Variants in SERINC1 observed in about 807,000 individuals in gnomAD.
The protein encoded by SERINC1 is tumor differentially expressed protein 2.
Under a neutral mutation model 52.9 loss-of-function variants are expected in SERINC1, and 38 were observed. That is an observed-to-expected ratio of 0.72 (90% CI 0.55 to 0.94). SERINC1 has a LOEUF of 0.94. Among genes scored for constraint, SERINC1 ranks in the 40% least tolerant of loss-of-function variants. SERINC1 has a pLI of 0.00. For missense variants in SERINC1, 471 were observed against 533.9 expected (o/e 0.88, Z 1.16); for synonymous variants, 198 against 183.1 (o/e 1.08, Z -0.66).
intron 1 of SERINC1, among the ~76,000 whole-genome samples, chr6:122,464,463 TAAAC>T (rs1162595676): frequency 6.6e-6 from 1 of 152,080 alleles, no homozygotes; most frequent in Non-Finnish European, 1.5e-5. Context: ...ATTTCTAAGA[TAAAC>T]AAAAACTCTT....
chr6:122,464,330 G>A (rs537276292), intron 1 of SERINC1, among the ~76,000 whole-genome samples: 20 of 152,220 alleles, frequency 1.3e-4, no homozygotes, highest in African/African-American at 4.3e-4. Context: ...GATATTCACA[G>A]ATCTAATATA....
In SERINC1 at chr6:122,458,657, G is replaced by T; in HGVS notation, c.64C>A (p.Pro22Thr). 6.2e-7 allele frequency: 1 copy of T among 1,602,734 alleles called. No homozygotes were observed. The highest frequency in any genetic ancestry group is 8.5e-7 in the Non-Finnish European group (1 of 1,173,556). ...SWIPCLCGSA[P>T]CLLCRCCPSG... ...GGACAGCATCGGCATAGCAAACACG[G>T]GGCACTTCCACACAAACATGGTATC... The change falls in exon 2 of 10, where the codon CCG (proline) becomes ACG (threonine). Residue 22 changes from proline to threonine, a missense_variant. Physicochemically the swap from Pro to Thr is conservative, Grantham distance 38. Transcript: ENST00000339697.
Position 122,446,933 on chromosome 6 carries a change from T to C in SERINC1, c.1067A>G (p.Asp356Gly). Residue 356 changes from aspartate (D) to glycine (G), a missense_variant, in exon 9 of 10, where the codon GAT (aspartate) becomes GGT (glycine). Transcript: ENST00000339697. ...TGATCCATCACTTCTAGCTCCACCA[T>C]CTTCTATTAATGTAGATTCATCACT... Reference protein sequence around the residue: ...LTSDESTLIEDGGARSDGSLE... With the variant: ...LTSDESTLIEGGGARSDGSLE... 6.2e-7 allele frequency: 1 copy of C among 1,613,710 alleles called. No individual in the cohort carries two copies. Among genetic ancestry groups the C allele is most frequent in the Non-Finnish European group, 8.5e-7 (1 of 1,179,600 alleles).
intron 1 of SERINC1, among the ~76,000 whole-genome samples, chr6:122,468,319 C>T (rs1278941197): frequency 1.3e-5 from 2 of 152,124 alleles, no homozygotes; most frequent in African/African-American, 2.4e-5. Flanking sequence ...CTATCCTATA[C>T]ATTGTAGATT....
rs1211230624 is a variant in SERINC1 at position 122,444,876 on chromosome 6, TG to T, written c.*167del. On this transcript the variant is annotated 3_prime_UTR_variant, in exon 10 of 10. Transcript: ENST00000339697. Reference sequence around the variant, plus strand: ...CAATTCATTCTACTTCACATATCAATGCACTTGGTAAGAAAATAACAAAATG... The same window carrying T: ...CAATTCATTCTACTTCACATATCAATCACTTGGTAAGAAAATAACAAAATG... 3.2e-6 allele frequency: 2 copies of T among 633,498 alleles called. No individual in the cohort carries two copies. The highest frequency in any genetic ancestry group is 2.7e-6 in the Non-Finnish European group (1 of 375,862). The allele number at this position is 633,498 out of a possible 1,614,324, so 39.2% of individuals were successfully genotyped here.
chr6:122,457,308 T>G (rs561680438), intron 2 of SERINC1, among the ~76,000 whole-genome samples: 80 of 152,336 alleles, frequency 5.3e-4, no homozygotes, highest in Middle Eastern at 3.4e-3. Context: ...GTAAGAGATT[T>G]TGGCAGAGTT....
In SERINC1 at chr6:122,458,546, G is replaced by A. The variant is rs142600200; in HGVS notation, c.175C>T (p.Pro59Ser). The A allele has an allele frequency of 9.9e-6, 16 of 1,612,154 alleles. No individual in the cohort carries two copies. Among genetic ancestry groups the A allele is most frequent in the Non-Finnish European group, 1.4e-5 (16 of 1,178,930 alleles). The part of the protein sequence containing the change: ...GVCVACVMLI[P>S]GMEEQLNKIP... ...TTATTCAGTTGTTCTTCCATTCCTG[G>A]TATCAACATTACACAAGCTACACAT... is the stretch of plus-strand genomic sequence containing the variant. The change falls in exon 2 of 10, where the codon CCA becomes TCA. Residue 59 changes from proline (P) to serine (S), a missense_variant. Physicochemically the swap from Pro to Ser is moderately conservative, Grantham distance 74. Coordinates refer to ENST00000339697, the MANE Select transcript of SERINC1 (RefSeq NM_020755.4).
intron 7 of SERINC1, among the ~76,000 whole-genome samples, chr6:122,449,047 C>G (rs75754936): frequency 0.031 from 4,681 of 152,198 alleles, 104 homozygotes; most frequent in Middle Eastern, 0.048. Flanking sequence ...AAATCACACC[C>G]ATATAAGATG....
chr6:122,458,539 A>C lies in SERINC1; in HGVS notation c.182T>G (p.Met61Arg). The change falls in exon 2 of 10, where the codon ATG (methionine) becomes AGG (arginine). Residue 61 changes from methionine (M) to arginine (R), a missense_variant. Met to Arg is a moderately conservative substitution (Grantham distance 91). Coordinates refer to ENST00000339697, the MANE Select transcript of SERINC1 (RefSeq NM_020755.4). ...ACTAACCTTATTCAGTTGTTCTTCC[A>C]TTCCTGGTATCAACATTACACAAGC... ...CVACVMLIPG[M>R]EEQLNKIPGF... The C allele has an allele frequency of 6.2e-7, 1 of 1,612,862 alleles. No homozygotes were observed. Among genetic ancestry groups the C allele is most frequent in the Non-Finnish European group, 8.5e-7 (1 of 1,179,138 alleles).
intron 7 of SERINC1, among the ~76,000 whole-genome samples, chr6:122,449,107 G>A (rs1774860756): frequency 6.6e-6 from 1 of 152,056 alleles, no homozygotes; most frequent in South Asian, 2.1e-4. Flanking sequence ...CCACCAACCA[G>A]CCATTTCCTT....
Position 122,447,207 on chromosome 6 carries a change from G to A in SERINC1, c.909C>T (p.Val303=), listed in dbSNP as rs757331806. Residue 303 remains valine, a synonymous_variant, in exon 8 of 10, where the codon GTC becomes GTT. Coordinates refer to ENST00000339697, the MANE Select transcript of SERINC1 (RefSeq NM_020755.4). ...SIIGYNTTST[V]PKEGQSVQWW... Reference sequence around the variant, plus strand: ...ACTGGACTGACTGCCCTTCCTTTGGGACAGTGCTTGTTGTATTGTAGCCAA... The same window carrying A: ...ACTGGACTGACTGCCCTTCCTTTGGAACAGTGCTTGTTGTATTGTAGCCAA... 1 of 1,612,830 alleles carries A rather than the reference G, an allele frequency of 6.2e-7. No individual in the cohort carries two copies. The highest frequency in any genetic ancestry group is 8.5e-7 in the Non-Finnish European group (1 of 1,178,854).
chr6:122,459,800 G>C (rs1775068293), intron 1 of SERINC1, among the ~76,000 whole-genome samples: 1 of 151,926 alleles, frequency 6.6e-6, no homozygotes, highest in Non-Finnish European at 1.5e-5. Flanking sequence ...GGAAATCAAA[G>C]GGCTAAAGAA....
At chr6:122,452,939 CA>C (rs1339986065) in intron 5 of SERINC1, among the ~76,000 whole-genome samples, 8 of 152,154 alleles carry the variant, frequency 5.3e-5, no homozygotes. Context: ...GCTTGCACTC[CA>C]ATTTAAAATT....
At chr6:122,451,281 TG>T (rs1294212597) in intron 7 of SERINC1, among the ~76,000 whole-genome samples, 2 of 152,234 alleles carry the variant, frequency 1.3e-5, no homozygotes, top group Non-Finnish European at 2.9e-5. Context: ...TAGCATTTTT[TG>T]GAAATAAAGT....
At position 122,445,052 on chromosome 6, in the gene SERINC1, A is replaced by AATC; in HGVS notation, c.1351_1353dup (p.Asp451dup). 3.1e-6 allele frequency: 5 copies of AATC among 1,612,894 alleles called. No homozygotes were observed. The highest frequency in any genetic ancestry group is 4.2e-6 in the Non-Finnish European group (5 of 1,179,636). ...CATGCTAGAAGTCTCACTCAGTCAA[A>AATC]ATCACGATTTGTAAGAACAAGTGGT... On this transcript the variant is annotated inframe_insertion, in exon 10 of 10. Coordinates refer to ENST00000339697, the MANE Select transcript of SERINC1 (RefSeq NM_020755.4).
Position 122,458,598 on chromosome 6 carries a change from G to A in SERINC1, c.123C>T (p.Ile41=), listed in dbSNP as rs761768622. The change falls in exon 2 of 10, where the codon ATC becomes ATT. Residue 41 remains isoleucine (I), a synonymous_variant. Coordinates refer to ENST00000339697, the MANE Select transcript of SERINC1 (RefSeq NM_020755.4). ...SGNNSTVTRL[I]YALFLLVGVC... ...CTCCAACAAGCAAGAAAAGTGCATA[G>A]ATCAATCTAGTTACAGTGGAGTTGT... is the stretch of plus-strand genomic sequence containing the variant. 1.9e-6 allele frequency: 3 copies of A among 1,612,896 alleles called. No individual in the cohort carries two copies. In the South Asian group the frequency reaches 3.3e-5, roughly 18 times the overall value.
chr6:122,451,197 A>G (rs1774897031), intron 7 of SERINC1, among the ~76,000 whole-genome samples: 1 of 152,244 alleles, frequency 6.6e-6, no homozygotes, highest in African/African-American at 2.4e-5. Flanking sequence ...CTGTTCGGTC[A>G]GCAGCCGTCA....
chr6:122,456,657 A>G lies in SERINC1; in HGVS notation c.202-7T>C. On this transcript the variant is annotated splice_polypyrimidine_tract_variant and splice_region_variant and intron_variant, in intron 2 of 9. Coordinates refer to ENST00000339697, the MANE Select transcript of SERINC1 (RefSeq NM_020755.4). ...TCTCACAAAATCCAGGAATCTAGAA[A>G]AACAAAAGAGTTTATGATCCATCAT... 1 of 1,565,824 alleles carries G rather than the reference A, an allele frequency of 6.4e-7. No individual in the cohort carries two copies. The highest frequency in any genetic ancestry group is 8.6e-7 in the Non-Finnish European group (1 of 1,161,956).
chr6:122,469,014 A>T (rs2114493229), intron 1 of SERINC1, among the ~76,000 whole-genome samples: 1 of 152,306 alleles, frequency 6.6e-6, no homozygotes, highest in South Asian at 2.1e-4. Context: ...AGTTGGTATG[A>T]TGTTTATAAT....
Sources: allele counts gnomAD v4.1 joint callset (sites outside exome capture counted in the v4.1 genomes callset), GRCh38; gene constraint gnomAD v4.1.1; transcripts MANE v1.5; gene names NCBI Gene and HGNC (gene_info 2026-07-23, HGNC 2026-07-21).